The following RPS6KC1 variants were observed in gnomAD, a reference collection of about 807,000 sequenced individuals.
The protein encoded by RPS6KC1 is ribosomal protein S6 kinase C1.
A neutral mutation model predicts 103.8 loss-of-function variants in RPS6KC1; 54 were observed. The ratio of observed to expected loss-of-function variants is 0.52; its 90% CI spans 0.42 to 0.65. The LOEUF is 0.65. Ranked by LOEUF, RPS6KC1 falls within the 30% of genes least tolerant of loss-of-function variation. The probability of loss-of-function intolerance (pLI) is 0.00; values close to 1 mark genes in which losing one functional copy is unlikely to be tolerated. For synonymous variants in RPS6KC1, 439 were observed against 438.7 expected (o/e 1.00, Z -0.01); for missense variants, 1,151 against 1,253.8 (o/e 0.92, Z 1.24).
At chr1:213,696,502 C>CAA in the RPS6KC1 span, among the ~76,000 whole-genome samples, 243 of 120,914 alleles carry the variant, frequency 2.0e-3, 13 homozygotes, top group African/African-American at 0.01. Context: ...AACTCCGTCT[C>CAA]AAAAAAAAAA....
chr1:213,346,399 G>A, the RPS6KC1 span, among the ~76,000 whole-genome samples: 1 of 152,090 alleles, frequency 6.6e-6, no homozygotes, highest in Non-Finnish European at 1.5e-5. Flanking sequence ...AAATAGATAC[G>A]AGGTAGGAAG....
chr1:213,543,590 C>A, the RPS6KC1 span, among the ~76,000 whole-genome samples: 11 of 152,116 alleles, frequency 7.2e-5, no homozygotes, highest in Non-Finnish European at 1.5e-4. Flanking sequence ...ACCATCCATG[C>A]CAAATTTAAA....
chr1:213,424,306 G>T, the RPS6KC1 span, among the ~76,000 whole-genome samples: 1 of 152,190 alleles, frequency 6.6e-6, no homozygotes, highest in Non-Finnish European at 1.5e-5. Flanking sequence ...TTCCAAAGGT[G>T]GCTGTTAAGC....
At position 213,228,744 on chromosome 1, in the gene RPS6KC1, CAAAAT is replaced by C. The variant is rs747961545; in HGVS notation, c.1045-1739_1045-1735del. Among the ~76,000 whole-genome samples the C allele has an allele frequency of 4.0e-4, 60 of 151,864 alleles. No homozygotes were observed. In the South Asian group the frequency reaches 0.012, roughly 30 times the overall value. On this transcript the variant is annotated intron_variant, in intron 8 of 14. Transcript: ENST00000366960. ...CAGTCTCAATAAAAATAAGATAAAACAAAATAAAATAAAATAAATCATTGGCTTTT... is the reference window on the plus strand; with the variant it reads ...CAGTCTCAATAAAAATAAGATAAAACAAAATAAAATAAATCATTGGCTTTT...
chr1:213,219,153 A>G (rs1338855032), intron 8 of RPS6KC1, among the ~76,000 whole-genome samples: 1 of 152,254 alleles, frequency 6.6e-6, no homozygotes, highest in Non-Finnish European at 1.5e-5. Flanking sequence ...AATGAACTCC[A>G]ACAAATTTAC....
At chr1:213,640,938 C>T in the RPS6KC1 span, among the ~76,000 whole-genome samples, 364 of 152,000 alleles carry the variant, frequency 2.4e-3, 1 homozygote, top group African/African-American at 8.3e-3. Context: ...TTTGAAGTTG[C>T]AACTATGATT....
chr1:213,407,943 G>A, the RPS6KC1 span, among the ~76,000 whole-genome samples: 1 of 152,166 alleles, frequency 6.6e-6, no homozygotes, highest in Non-Finnish European at 1.5e-5. Context: ...TTAGAGTACA[G>A]CCTGACACAT....
At position 213,242,279 on chromosome 1, in the gene RPS6KC1, A is replaced by G. The variant is rs756584530; in HGVS notation, c.2803A>G (p.Ile935Val). The G allele has an allele frequency of 1.9e-6, 3 of 1,613,844 alleles. No homozygotes were observed. Among genetic ancestry groups the G allele is most frequent in the African/African-American group, 1.3e-5 (1 of 75,014 alleles). The change falls in exon 11 of 15, where the codon ATC becomes GTC. Residue 935 changes from isoleucine to valine, a missense_variant. Coordinates refer to ENST00000366960, the MANE Select transcript of RPS6KC1 (RefSeq NM_012424.6). ...GTGCCGCGATTTGAACCCAAACAAC[A>G]TCTTATTGAATGATAGAGGTCAGGA... is the stretch of plus-strand genomic sequence containing the variant. ...IVCRDLNPNN[I>V]LLNDRGHIQL...
chr1:213,606,379 T>G, the RPS6KC1 span, among the ~76,000 whole-genome samples: 9 of 152,328 alleles, frequency 5.9e-5, no homozygotes, highest in African/African-American at 2.2e-4. Context: ...GGTGCCCACA[T>G]CAGTCCACAG....
At chr1:213,122,983 G>A (rs996202186) in intron 5 of RPS6KC1, among the ~76,000 whole-genome samples, 15 of 152,248 alleles carry the variant, frequency 9.9e-5, no homozygotes, top group African/African-American at 3.4e-4. Flanking sequence ...TGGATATTAG[G>A]AGTTTAGGGG....
the RPS6KC1 span, among the ~76,000 whole-genome samples, chr1:213,448,225 C>CAAA: frequency 1.1e-4 from 8 of 75,818 alleles, no homozygotes; most frequent in Admixed American, 1.8e-4. Context: ...GTGAGACTGT[C>CAAA]AAAAAAAAAA....
the RPS6KC1 span, among the ~76,000 whole-genome samples, chr1:213,299,843 C>T: frequency 4.6e-5 from 7 of 152,074 alleles, no homozygotes; most frequent in Admixed American, 1.3e-4. Flanking sequence ...CTCGTTCTGT[C>T]GCCCAGGCTG....
At chr1:213,292,292 A>T in the RPS6KC1 span, among the ~76,000 whole-genome samples, 1 of 152,178 alleles carries the variant, frequency 6.6e-6, no homozygotes, top group Non-Finnish European at 1.5e-5. Flanking sequence ...AACAAAACAA[A>T]AAAAACATGT....
intron 3 of RPS6KC1, among the ~76,000 whole-genome samples, chr1:213,078,756 G>A (rs2079585645): frequency 6.6e-6 from 1 of 152,170 alleles, no homozygotes; most frequent in Admixed American, 6.5e-5. Context: ...TGTAATTGCA[G>A]AGTCAAGGTA....
chr1:213,092,726 T>TTTTTTTTTTTTTTTTTTTTTTTTTTG (rs2081091224), intron 3 of RPS6KC1, among the ~76,000 whole-genome samples: 1 of 152,152 alleles, frequency 6.6e-6, no homozygotes, highest in African/African-American at 2.4e-5. Context: ...GATATGTTTT[T>TTTTTTTTTTTTTTTTTTTTTTTTTTG]AAGCTAAACA....
the RPS6KC1 span, among the ~76,000 whole-genome samples, chr1:213,764,324 C>A: frequency 6.6e-6 from 1 of 152,172 alleles, no homozygotes; most frequent in African/African-American, 2.4e-5. Context: ...GGGCAGTCAG[C>A]AAGGTGAATT....
At chr1:213,664,192 C>CGGGGGGGGGG in the RPS6KC1 span, among the ~76,000 whole-genome samples, 55 of 29,712 alleles carry the variant, frequency 1.9e-3, no homozygotes, top group Non-Finnish European at 2.1e-3. Context: ...AAGAAATGAG[C>CGGGGGGGGGG]GGGGGGGCGG....
the RPS6KC1 span, among the ~76,000 whole-genome samples, chr1:213,535,176 T>C: frequency 6.6e-6 from 1 of 152,232 alleles, no homozygotes; most frequent in Admixed American, 6.5e-5. Flanking sequence ...CCAGTTCATT[T>C]ATTTATACCA....
the RPS6KC1 span, among the ~76,000 whole-genome samples, chr1:213,668,132 T>A: frequency 6.6e-6 from 1 of 152,224 alleles, no homozygotes; most frequent in African/African-American, 2.4e-5. Flanking sequence ...CTTAATGGCA[T>A]CTAACATGGT....
Sources: gnomAD v4.1 joint callset for allele counts (sites outside exome capture counted in the v4.1 genomes callset) on GRCh38, gnomAD v4.1.1 for gene constraint, MANE v1.5 for transcripts, NCBI Gene and HGNC (gene_info 2026-07-23, HGNC 2026-07-21) for gene names.